NEO1: variants seen among roughly 807,000 people sequenced by gnomAD.
NEO1 encodes the protein neogenin 1, also known as neogenin.
Under a neutral mutation model 159.7 loss-of-function variants are expected in NEO1, and 63 were observed. That is an observed-to-expected ratio of 0.39 (90% CI 0.32 to 0.49). The LOEUF is 0.49. Ranked by LOEUF, NEO1 falls within the 20% of genes least tolerant of loss-of-function variation. NEO1 has a pLI of 0.85. For synonymous variants in NEO1, 633 were observed against 662.0 expected, an observed-to-expected ratio of 0.96 and a Z score of 0.67; for missense variants, 1,615 against 1,831.0, an observed-to-expected ratio of 0.88 and a Z score of 2.15.
chr15:73,090,902 T>C (rs776783863), intron 1 of NEO1, among the ~76,000 whole-genome samples: 31 of 152,226 alleles, frequency 2.0e-4, no homozygotes, highest in South Asian at 6.2e-4. Context: ...TGCTAAGTAC[T>C]GTGTTAAATG....
intron 7 of NEO1, among the ~76,000 whole-genome samples, chr15:73,200,670 CTTTTTTTTT>C (rs931779531): frequency 1.1e-5 from 1 of 92,866 alleles, no homozygotes; most frequent in African/African-American, 4.0e-5. Flanking sequence ...ATTCCCTTAT[CTTTTTTTTT>C]TTTTTTTTTT....
intron 7 of NEO1, among the ~76,000 whole-genome samples, chr15:73,232,566 G>A (rs1205450050): frequency 2.0e-5 from 3 of 152,172 alleles, no homozygotes; most frequent in South Asian, 2.1e-4. Flanking sequence ...TTCATCTGCC[G>A]GGGGTGTGTG....
chr15:73,250,727 T>A (rs1031134208), intron 11 of NEO1, among the ~76,000 whole-genome samples: 1 of 152,160 alleles, frequency 6.6e-6, no homozygotes. Flanking sequence ...TGAGGAATCA[T>A]TCTAGAATCT....
At chr15:73,269,437 C>T (rs1186735782) in intron 16 of NEO1, among the ~76,000 whole-genome samples, 1 of 152,066 alleles carries the variant, frequency 6.6e-6, no homozygotes, top group Admixed American at 6.6e-5. Context: ...CTCAGCTCAC[C>T]GCAGCCTCCA....
At chr15:73,177,610 G>A (rs914565888) in intron 6 of NEO1, among the ~76,000 whole-genome samples, 6 of 152,060 alleles carry the variant, frequency 3.9e-5, no homozygotes, top group African/African-American at 1.2e-4. Context: ...GCAGTGGTTT[G>A]ATCATAGCTC....
chr15:73,167,867 A>G (rs1050282764), intron 5 of NEO1, among the ~76,000 whole-genome samples: 3 of 152,234 alleles, frequency 2.0e-5, no homozygotes, highest in African/African-American at 7.2e-5. Flanking sequence ...TCACAGAGCT[A>G]ACATGTAAAC....
intron 7 of NEO1, among the ~76,000 whole-genome samples, chr15:73,234,141 G>A (rs1031381784): frequency 6.6e-6 from 1 of 152,190 alleles, no homozygotes; most frequent in Non-Finnish European, 1.5e-5. Context: ...GCAGCTTAGT[G>A]TGTTTCTAGA....
At chr15:73,101,628 G>T (rs924284639) in intron 1 of NEO1, among the ~76,000 whole-genome samples, 1 of 152,154 alleles carries the variant, frequency 6.6e-6, no homozygotes, top group African/African-American at 2.4e-5. Context: ...GGCTTACTTT[G>T]TTTACCTCTC....
At chr15:73,090,838 A>G (rs1367868568) in intron 1 of NEO1, among the ~76,000 whole-genome samples, 2 of 152,196 alleles carry the variant, frequency 1.3e-5, no homozygotes, top group African/African-American at 2.4e-5. Flanking sequence ...ATTACACCCT[A>G]TAGCATATTT....
intron 1 of NEO1, among the ~76,000 whole-genome samples, chr15:73,077,024 C>T (rs1393505463): frequency 6.6e-6 from 1 of 152,060 alleles, no homozygotes; most frequent in Non-Finnish European, 1.5e-5. Flanking sequence ...CTTATAATAA[C>T]ATAGCAATTT....
chr15:73,203,145 A>G (rs141539776), intron 7 of NEO1, among the ~76,000 whole-genome samples: 1 of 152,242 alleles, frequency 6.6e-6, no homozygotes, highest in Non-Finnish European at 1.5e-5. Context: ...GCTGGATCAT[A>G]TGATAATTCT....
chr15:73,297,174 TG>T (rs2042406409), intron 26 of NEO1, among the ~76,000 whole-genome samples: 1 of 151,996 alleles, frequency 6.6e-6, no homozygotes, highest in South Asian at 2.1e-4. Context: ...CCCCACAGGG[TG>T]GGGGCAAGTG....
intron 26 of NEO1, among the ~76,000 whole-genome samples, chr15:73,297,318 T>C (rs567212368): frequency 6.6e-6 from 1 of 152,338 alleles, no homozygotes; most frequent in East Asian, 1.9e-4. Context: ...CAGTGCCTTC[T>C]GAGTTACTTT....
At chr15:73,122,415 G>C (rs2071721875) in intron 2 of NEO1, 110 bp from the exon 3 acceptor site, 3 of 975,646 alleles carry the variant, frequency 3.1e-6, no homozygotes, top group Non-Finnish European at 4.4e-6. Flanking sequence ...CTCAACCCTG[G>C]TTCTGCCATA....
chr15:73,169,299 A>T (rs997157878), intron 5 of NEO1, among the ~76,000 whole-genome samples: 1 of 152,132 alleles, frequency 6.6e-6, no homozygotes, highest in Admixed American at 6.5e-5. Flanking sequence ...ATTTGAAGGG[A>T]TAGGGAGCTG....
chr15:73,208,626 C>A (rs1490546364), intron 7 of NEO1, among the ~76,000 whole-genome samples: 1 of 152,126 alleles, frequency 6.6e-6, no homozygotes, highest in East Asian at 1.9e-4. Context: ...CTTTGGGAGG[C>A]AGGGGCACAT....
intron 7 of NEO1, among the ~76,000 whole-genome samples, chr15:73,208,787 A>G (rs1470591657): frequency 6.6e-6 from 1 of 151,856 alleles, no homozygotes; most frequent in Admixed American, 6.5e-5. Context: ...ACCCGAGCCC[A>G]GGAGGTCAAG....
At chr15:73,126,149 T>C (rs2030199373) in intron 3 of NEO1, among the ~76,000 whole-genome samples, 1 of 152,210 alleles carries the variant, frequency 6.6e-6, no homozygotes, top group Admixed American at 6.5e-5. Flanking sequence ...TTTGTATCAC[T>C]TTTGCTTAAA....
chr15:73,123,455 A>G (rs899438419), intron 3 of NEO1, among the ~76,000 whole-genome samples: 3 of 152,188 alleles, frequency 2.0e-5, no homozygotes, highest in African/African-American at 7.2e-5. Context: ...GCTAGTTCGT[A>G]TAAGGGATGG....
Sources: allele counts gnomAD v4.1 joint callset (sites outside exome capture counted in the v4.1 genomes callset), GRCh38; gene constraint gnomAD v4.1.1; transcripts MANE v1.5; gene names NCBI Gene and HGNC (gene_info 2026-07-23, HGNC 2026-07-21).